Variants in WDR13 observed in about 807,000 individuals in gnomAD.
WDR13 encodes WD repeat domain 13, also known as WD repeat-containing protein 13.
Under a neutral mutation model 28.6 loss-of-function variants are expected in WDR13, and 1 was observed. The ratio of observed to expected loss-of-function variants is 0.03; its 90% confidence interval spans 0.01 to 0.17. The LOEUF (loss-of-function observed/expected upper bound fraction) is 0.17, where lower values mean the gene tolerates loss of function less well. Among genes scored for constraint, WDR13 ranks in the 10% least tolerant of loss-of-function variants. The pLI is 1.00. For synonymous variants in WDR13, 201 were observed against 185.9 expected, an observed-to-expected ratio of 1.08 and a Z score of -0.66; for missense variants, 264 against 469.3, an observed-to-expected ratio of 0.56 and a Z score of 4.04.
At chrX:48,597,708 G>C in intron 1 of WDR13, 94 bp downstream of exon 1, 1 of 331,227 alleles carries the variant, frequency 3.0e-6, no homozygotes, top group Admixed American at 6.1e-5. Flanking sequence ...AGCAAGGAAT[G>C]CTAGGCGGGG....
Position 48,600,641 on chromosome X carries a change from C to T in WDR13, c.831+15C>T. 1 of 1,201,357 alleles carries T rather than the reference C, an allele frequency of 8.3e-7. No individual in the cohort carries two copies. The highest frequency in any genetic ancestry group is 2.2e-5 in the Admixed American group (1 of 44,983). Reference sequence around the variant, plus strand: ...ACCTCACTGTGGTCAGGCTCCAGGACACCCACTCACCAAGGGCTGGTGGGC... The same window carrying T: ...ACCTCACTGTGGTCAGGCTCCAGGATACCCACTCACCAAGGGCTGGTGGGC... On this transcript the variant is annotated intron_variant, in intron 6 of 9. Coordinates refer to ENST00000376729, the MANE Select transcript of WDR13 (RefSeq NM_001347217.2).
chrX:48,599,875 G>C, intron 5 of WDR13, 158 bp downstream of exon 5: 1 of 815,669 alleles, frequency 1.2e-6, no homozygotes, highest in Non-Finnish European at 1.7e-6. Flanking sequence ...TCTGCAAAGT[G>C]GTCAGTGCTT....
chrX:48,599,851 A>G, intron 5 of WDR13, 134 bp downstream of exon 5: 7 of 972,023 alleles, frequency 7.2e-6, no homozygotes, highest in Non-Finnish European at 9.8e-6. Context: ...AGCCTTTTGT[A>G]GACTGAAAAT....
chrX:48,602,131 G>A lies in WDR13; in HGVS notation c.1079G>A (p.Arg360Gln), dbSNP rs1556994825. 8.3e-7 allele frequency: 1 copy of A among 1,210,055 alleles called. No individual in the cohort carries two copies. Among genetic ancestry groups the A allele is most frequent in the Admixed American group, 2.2e-5 (1 of 45,735 alleles). The change falls in exon 8 of 10, where the codon CGG becomes CAG. Residue 360 changes from arginine to glutamine, a missense_variant. By Grantham distance (43) the Arg-to-Gln change is conservative. This residue lies in a region of WDR13 where 157 missense variants were observed against 270.2 expected (regional missense o/e 0.58). Transcript: ENST00000376729. ...AGCCCTGTGACCAGCATCTCAGCCC[G>A]GTCCTGGGTCAGCCGCGAGGCCCGG... ...EGSPVTSISARSWVSREARDP... is the reference protein window; with the variant it reads ...EGSPVTSISAQSWVSREARDP...
At chrX:48,604,804 C>T in intron 9 of WDR13, 44 bp from the exon 10 acceptor site, 1 of 1,178,956 alleles carries the variant, frequency 8.5e-7, no homozygotes, top group Non-Finnish European at 1.1e-6. Flanking sequence ...CCACCAGGGG[C>T]ACCCCAGGCG....
chrX:48,599,983 A>G (rs1556993933), intron 5 of WDR13: 2 of 428,678 alleles, frequency 4.7e-6, no homozygotes, highest in African/African-American at 4.9e-5. Context: ...GCCTTTGCTG[A>G]TGATAAATCC....
At chrX:48,598,644 G>A (rs1158519492) in intron 2 of WDR13, 73 bp from the exon 3 acceptor site, 1 of 1,077,425 alleles carries the variant, frequency 9.3e-7, no homozygotes, top group Non-Finnish European at 1.2e-6. Flanking sequence ...CTCTCCTGCC[G>A]TACCCCCCCC....
chrX:48,598,648 C>CA, intron 2 of WDR13, 69 bp from the exon 3 acceptor site: 2 of 556,461 alleles, frequency 3.6e-6, no homozygotes. Context: ...CCTGCCGTAC[C>CA]CCCCCCCCCG....
rs781849903 is a variant in WDR13 at position 48,602,223 on chromosome X, G to T, written c.1154+17G>T. The T allele has an allele frequency of 2.8e-5, 34 of 1,198,209 alleles. No homozygotes were observed. Among genetic ancestry groups the T allele is most frequent in the Middle Eastern group, 2.3e-4 (1 of 4,327 alleles). On this transcript the variant is annotated intron_variant, in intron 8 of 9. Coordinates refer to ENST00000376729, the MANE Select transcript of WDR13 (RefSeq NM_001347217.2). The stretch of plus-strand genomic sequence containing the variant: ...GCTCTACAGGTGGGTCCCCCATCAG[G>T]GCCTCCTGGAGACGGAGGACCTGCC...
chrX:48,603,825 T>G, intron 8 of WDR13, among the ~76,000 whole-genome samples: 1 of 111,332 alleles, frequency 9.0e-6, no homozygotes, highest in Non-Finnish European at 1.9e-5. Context: ...CTCTTTGTGC[T>G]TATCTTAATA....
Position 48,608,521 on chromosome X carries a change from C to T in WDR13, c.*3489C>T, listed in dbSNP as rs1240831057. On this transcript the variant is annotated 3_prime_UTR_variant, in exon 10 of 10. Coordinates refer to ENST00000376729, the MANE Select transcript of WDR13 (RefSeq NM_001347217.2). ...CCTTGAAGCAGGCCTTTCCAAGGAT[C>T]GCAGTTGAGGCCTGCTCTGTTACTG... 4.4e-5 allele frequency: 5 copies of T among 112,502 alleles called. No homozygotes were observed. The highest frequency in any genetic ancestry group is 9.7e-5 in the African/African-American group (3 of 30,986). 9.3% of individuals were successfully genotyped at this position (112,502 alleles called of 1,213,427 possible).
Position 48,600,987 on chromosome X carries a change from T to C in WDR13, c.831+361T>C, listed in dbSNP as rs1475418680. 2.7e-5 allele frequency among the ~76,000 whole-genome samples: 3 copies of C among 111,471 alleles called. No homozygotes were observed. In the East Asian group the frequency reaches 8.5e-4, roughly 32 times the overall value. On this transcript the variant is annotated intron_variant, in intron 6 of 9. Coordinates refer to ENST00000376729, the MANE Select transcript of WDR13 (RefSeq NM_001347217.2). ...GCGGGCGCCTATAGTCTCAGCTACT[T>C]GGGAGGCTGAGGCAGGAGAATGGTG...
rs1440302930 is a variant in WDR13 at position 48,598,926 on chromosome X, G to T, written c.251G>T (p.Arg84Leu). The change falls in exon 3 of 10, where the codon CGC becomes CTC. Residue 84 changes from arginine (R) to leucine (L), a missense_variant. This residue lies in a region of WDR13 where 74 missense variants were observed against 89.3 expected (regional missense o/e 0.83). Transcript: ENST00000376729. ...CGTGCCTATAGCAACAGCATCGTCC[G>T]CAGTAGCCGCACTACTCTTGACCGC... ...SARAYSNSIV[R>L]SSRTTLDRME... 1 of 1,207,231 alleles carries T rather than the reference G, an allele frequency of 8.3e-7. No homozygotes were observed. The highest frequency in any genetic ancestry group is 1.1e-6 in the Non-Finnish European group (1 of 893,503).
chrX:48,604,569 G>C (rs1159902989), intron 9 of WDR13, among the ~76,000 whole-genome samples, 179 bp downstream of exon 9: 1 of 112,728 alleles, frequency 8.9e-6, no homozygotes, highest in Non-Finnish European at 1.9e-5. Flanking sequence ...AGAACTCACA[G>C]TTTGCACTTG....
At chrX:48,604,823 T>A (rs782046823) in intron 9 of WDR13, 25 bp from the exon 10 acceptor site, 3 of 1,194,764 alleles carry the variant, frequency 2.5e-6, no homozygotes, top group Non-Finnish European at 3.4e-6. Context: ...CGCCTCCCGA[T>A]GGCCTCTCCC....
chrX:48,601,108 G>A (rs1317705635), intron 6 of WDR13, among the ~76,000 whole-genome samples: 2 of 112,027 alleles, frequency 1.8e-5, no homozygotes, highest in Admixed American at 1.9e-4. Context: ...GGGGAATGCC[G>A]TTCTTGATCT....
At position 48,600,362 on chromosome X, in the gene WDR13, C is replaced by G. The variant is rs782319421; in HGVS notation, c.567C>G (p.Ala189=). The change falls in exon 6 of 10, where the codon GCC becomes GCG. Residue 189 remains alanine, a synonymous_variant. Transcript: ENST00000376729. ...CCAATGATGACCGACACCGCCTGGC[C>G]TGCTGCTCACTCGACGGCAGCATCT... The part of the protein sequence containing the change: ...RFANDDRHRL[A]CCSLDGSISL... 8.3e-7 allele frequency: 1 copy of G among 1,207,982 alleles called. No homozygotes were observed. The highest frequency in any genetic ancestry group is 1.1e-6 in the Non-Finnish European group (1 of 894,891).
At position 48,598,046 on chromosome X, in the gene WDR13, T is replaced by TG. The variant is rs1569487814; in HGVS notation, c.41+13dup. 6 of 1,163,498 alleles carry TG rather than the reference T, an allele frequency of 5.2e-6. No individual in the cohort carries two copies. The highest frequency in any genetic ancestry group is 4.7e-4 in the Middle Eastern group (2 of 4,291). The stretch of plus-strand genomic sequence containing the variant: ...TTAGCAGTGGACGCGAGGTGAGGCG[T>TG]GGGGTCAAAGCCCATGGGAGCAGAA... On this transcript the variant is annotated intron_variant, in intron 2 of 9. Coordinates refer to ENST00000376729, the MANE Select transcript of WDR13 (RefSeq NM_001347217.2).
In WDR13 at chrX:48,605,386, A is replaced by G. The variant is rs2062216050; in HGVS notation, c.*354A>G. 5.4e-6 allele frequency: 1 copy of G among 184,435 alleles called. No homozygotes were observed. The highest frequency in any genetic ancestry group is 1.0e-5 in the Non-Finnish European group (1 of 97,826). 15.2% of individuals were successfully genotyped at this position (184,435 alleles called of 1,213,427 possible). A position where few individuals can be genotyped will look rare whatever the true frequency, so the allele number is the denominator to read the frequency against. ...GGGGATACTGCTCTGACCTAAACTGATGGAAATGCCTGCCTTCATTGGGCT... is the reference window on the plus strand; with the variant it reads ...GGGGATACTGCTCTGACCTAAACTGGTGGAAATGCCTGCCTTCATTGGGCT... On this transcript the variant is annotated 3_prime_UTR_variant, in exon 10 of 10. Transcript: ENST00000376729.
Sources: gnomAD v4.1 joint callset for allele counts (sites outside exome capture counted in the v4.1 genomes callset) on GRCh38, gnomAD v4.1.1 for gene constraint, gnomAD v4.1.1 regional missense constraint, MANE v1.5 for transcripts, NCBI Gene and HGNC (gene_info 2026-07-23, HGNC 2026-07-21) for gene names.